Variants in BAIAP2L1 observed in about 807,000 individuals in gnomAD.
BAIAP2L1 encodes BAR/IMD domain containing adaptor protein 2 like 1, also known as BAR/IMD domain-containing adapter protein 2-like 1.
Under a neutral mutation model 66.3 loss-of-function variants are expected in BAIAP2L1, and 35 were observed. That is an observed-to-expected ratio of 0.53 (90% CI 0.40 to 0.70). The LOEUF (loss-of-function observed/expected upper bound fraction) is 0.70. BAIAP2L1 is among the 30% of genes least tolerant of loss of function. BAIAP2L1 has a pLI of 0.00. For synonymous variants in BAIAP2L1, 269 were observed against 248.7 expected (o/e 1.08, Z -0.77); for missense variants, 622 against 656.9 (o/e 0.95, Z 0.58).
chr7:98,338,112 A>C (rs1462775102), intron 3 of BAIAP2L1, among the ~76,000 whole-genome samples: 1 of 152,112 alleles, frequency 6.6e-6, no homozygotes, highest in African/African-American at 2.4e-5. Context: ...ACCACTACCC[A>C]GTTCACAATC....
At chr7:98,394,982 G>C (rs1240261407) in intron 1 of BAIAP2L1, among the ~76,000 whole-genome samples, 1 of 151,444 alleles carries the variant, frequency 6.6e-6, no homozygotes, top group Non-Finnish European at 1.5e-5. Context: ...GTGGTGGCAG[G>C]TACCTGTAAC....
chr7:98,378,792 T>A (rs1173801783), intron 1 of BAIAP2L1, among the ~76,000 whole-genome samples: 1 of 151,788 alleles, frequency 6.6e-6, no homozygotes, highest in Non-Finnish European at 1.5e-5. Context: ...CACGCCACCA[T>A]GTCCATGGCT....
rs762707026 is a variant in BAIAP2L1 at position 98,307,651 on chromosome 7, G to A, written c.1163+38C>T. 9.3e-6 allele frequency: 15 copies of A among 1,609,484 alleles called. No homozygotes were observed. The South Asian group carries it at 1.1e-4, about 12-fold the overall frequency. On this transcript the variant is annotated intron_variant, in intron 10 of 13. Transcript: ENST00000005260. The stretch of plus-strand genomic sequence containing the variant: ...TTGGCTGCTCTGGAAGGGAGGGGCC[G>A]TCTGGTGCCCTGCGGGGACCATCAC...
At chr7:98,368,104 G>C (rs1292761769) in intron 1 of BAIAP2L1, among the ~76,000 whole-genome samples, 1 of 152,058 alleles carries the variant, frequency 6.6e-6, no homozygotes, top group Non-Finnish European at 1.5e-5. Context: ...CTATGATTCT[G>C]TCATTGTGAG....
intron 12 of BAIAP2L1, among the ~76,000 whole-genome samples, chr7:98,296,599 G>A (rs1317131103): frequency 1.3e-5 from 2 of 152,128 alleles, no homozygotes; most frequent in Non-Finnish European, 2.9e-5. Context: ...ACTCCAGCCT[G>A]GGCAACAGAG....
chr7:98,354,403 AC>A (rs1394238917), intron 3 of BAIAP2L1, among the ~76,000 whole-genome samples: 2 of 152,004 alleles, frequency 1.3e-5, no homozygotes, highest in African/African-American at 2.4e-5. Context: ...CAGAAATTTT[AC>A]CCTTTGTACA....
In BAIAP2L1 at chr7:98,300,636, C is replaced by T. The variant is rs565185474; in HGVS notation, c.1422+3560G>A. 1.7e-4 allele frequency among the ~76,000 whole-genome samples: 26 copies of T among 152,234 alleles called. No individual in the cohort carries two copies. In the South Asian group the frequency reaches 4.8e-3, roughly 28 times the overall value. ...TCCCTTTCTCCATTTCACGAGGCCC[C>T]GCTATCCCTCTACCTCCCCAGGAGG... is the stretch of plus-strand genomic sequence containing the variant. On this transcript the variant is annotated intron_variant, in intron 12 of 13. Coordinates refer to ENST00000005260, the MANE Select transcript of BAIAP2L1 (RefSeq NM_018842.5).
At chr7:98,372,770 G>C (rs944042453) in intron 1 of BAIAP2L1, among the ~76,000 whole-genome samples, 12 of 121,522 alleles carry the variant, frequency 9.9e-5, no homozygotes, top group African/African-American at 3.5e-4. Flanking sequence ...ACACAGTCTC[G>C]CTCTGTCTCC....
chr7:98,318,945 C>CA (rs369964958), intron 5 of BAIAP2L1, among the ~76,000 whole-genome samples: 48,489 of 114,280 alleles, frequency 0.42, 10,148 homozygotes, highest in Middle Eastern at 0.59. Flanking sequence ...GACTCCATCT[C>CA]AAAAAAAAAA....
intron 2 of BAIAP2L1, among the ~76,000 whole-genome samples, chr7:98,356,322 G>C (rs146551290): frequency 1.0e-3 from 155 of 152,182 alleles, no homozygotes; most frequent in African/African-American, 3.3e-3. Context: ...TTGGAGAAAA[G>C]CATTTATTTG....
At chr7:98,310,389 T>C in intron 9 of BAIAP2L1, 56 bp downstream of exon 9, 2 of 1,531,544 alleles carry the variant, frequency 1.3e-6, no homozygotes, top group Non-Finnish European at 1.8e-6. Context: ...ATTTCACAGC[T>C]TATCTTAAAA....
chr7:98,397,324 T>G (rs959202314), intron 1 of BAIAP2L1, among the ~76,000 whole-genome samples: 1 of 142,058 alleles, frequency 7.0e-6, no homozygotes, highest in African/African-American at 2.6e-5. Flanking sequence ...AGCCCTTTTT[T>G]TTTTTTTTTT....
chr7:98,329,284 C>T (rs377367721), intron 3 of BAIAP2L1, among the ~76,000 whole-genome samples: 12 of 152,294 alleles, frequency 7.9e-5, no homozygotes, highest in African/African-American at 1.9e-4. Context: ...GAAAACCAGA[C>T]GGACAGGCTG....
At chr7:98,383,193 A>C (rs920645979) in intron 1 of BAIAP2L1, among the ~76,000 whole-genome samples, 2 of 151,856 alleles carry the variant, frequency 1.3e-5, no homozygotes, top group African/African-American at 4.8e-5. Context: ...AACAAACAAA[A>C]AAAAGAAAAG....
intron 1 of BAIAP2L1, among the ~76,000 whole-genome samples, chr7:98,386,890 G>A (rs1051811545): frequency 2.2e-4 from 33 of 151,638 alleles, no homozygotes; most frequent in Admixed American, 1.2e-3. Context: ...TAGTAGAGAC[G>A]GGGTTTCACC....
chr7:98,315,386 G>A (rs919315101), intron 7 of BAIAP2L1, 74 bp downstream of exon 7: 22 of 1,293,566 alleles, frequency 1.7e-5, no homozygotes, highest in Non-Finnish European at 2.1e-5. Context: ...GTGGGCCACG[G>A]CCCAGCCTTC....
intron 12 of BAIAP2L1, among the ~76,000 whole-genome samples, chr7:98,296,850 G>A (rs1800212822): frequency 1.3e-5 from 2 of 152,176 alleles, no homozygotes; most frequent in African/African-American, 4.8e-5. Context: ...CTCTTATCTG[G>A]TGGCCCCCAA....
chr7:98,292,962 G>A lies in BAIAP2L1; in HGVS notation c.*559C>T, dbSNP rs1800032738. 8.3e-7 allele frequency: 1 copy of A among 1,209,242 alleles called. No homozygotes were observed. Among genetic ancestry groups the A allele is most frequent in the Admixed American group, 4.2e-5 (1 of 23,840 alleles). 74.9% of individuals were successfully genotyped at this position (1,209,242 alleles called of 1,614,324 possible). ...TACAGCTCTGGCGTGGTTGGAGGGA[G>A]GGTGGGGGTTTCTCCATCTCTGGAA... On this transcript the variant is annotated 3_prime_UTR_variant, in exon 14 of 14. Transcript: ENST00000005260.
At chr7:98,382,978 A>G (rs1212547283) in intron 1 of BAIAP2L1, among the ~76,000 whole-genome samples, 1 of 152,004 alleles carries the variant, frequency 6.6e-6, no homozygotes, top group Non-Finnish European at 1.5e-5. Context: ...CCTGACCAAC[A>G]TGGCGAAACC....
Sources: gnomAD v4.1 joint callset for allele counts (sites outside exome capture counted in the v4.1 genomes callset) on GRCh38, gnomAD v4.1.1 for gene constraint, MANE v1.5 for transcripts, NCBI Gene and HGNC (gene_info 2026-07-23, HGNC 2026-07-21) for gene names.